Variants in INTS9 observed in about 807,000 individuals in gnomAD.
The protein encoded by INTS9 is integrator complex subunit 9, also known as protein related to CPSF subunits of 74 kDa.
Under a neutral mutation model 79.7 loss-of-function variants are expected in INTS9, and 55 were observed. That is an observed-to-expected ratio of 0.69 (90% CI 0.56 to 0.86). INTS9 has a LOEUF of 0.86. INTS9 is among the 40% of genes least tolerant of loss of function. INTS9 has a pLI of 0.00. For synonymous variants in INTS9, 319 were observed against 325.2 expected (o/e 0.98, Z 0.20); for missense variants, 721 against 831.5 (o/e 0.87, Z 1.64).
chr8:28,862,267 C>A, intron 1 of INTS9: 1 of 954,018 alleles, frequency 1.0e-6, no homozygotes, highest in Non-Finnish European at 1.2e-6. Context: ...ACAATCACAC[C>A]AATCTGATTA....
rs1456133477 is a variant in INTS9 at position 28,881,029 on chromosome 8, C to T, written c.9+8845G>A. Among the ~76,000 whole-genome samples, 457 of 151,182 alleles carry T rather than the reference C, an allele frequency of 3.0e-3. 2 individuals carry two copies. The highest frequency in any genetic ancestry group is 0.01 in the African/African-American group (426 of 41,192). Reference sequence around the variant, plus strand: ...GAAACCCTCTGCCTGGCAACCGCCCCGTCTGAGAAGTGAGGAGCCCCTCCG... The same window carrying T: ...GAAACCCTCTGCCTGGCAACCGCCCTGTCTGAGAAGTGAGGAGCCCCTCCG... On this transcript the variant is annotated intron_variant, in intron 1 of 16. Coordinates refer to ENST00000521022, the MANE Select transcript of INTS9 (RefSeq NM_018250.4).
chr8:28,884,298 C>T (rs1810064272), intron 1 of INTS9, among the ~76,000 whole-genome samples: 1 of 149,464 alleles, frequency 6.7e-6, no homozygotes, highest in Non-Finnish European at 1.5e-5. Context: ...AACCTCTCAC[C>T]TCAGCCTACT....
At chr8:28,813,375 TG>T in intron 7 of INTS9, 116 bp downstream of exon 7, 1 of 1,012,658 alleles carries the variant, frequency 9.9e-7, no homozygotes, top group Non-Finnish European at 1.5e-6. Context: ...ACAGAGGCTC[TG>T]GATCCTCAGC....
chr8:28,834,527 C>T (rs1263597722), intron 6 of INTS9, among the ~76,000 whole-genome samples: 2 of 152,304 alleles, frequency 1.3e-5, no homozygotes, highest in East Asian at 3.9e-4. Flanking sequence ...CATGCCTGGA[C>T]TTCTCTTCTC....
At chr8:28,817,248 G>A (rs1213697350) in intron 6 of INTS9, among the ~76,000 whole-genome samples, 1 of 151,702 alleles carries the variant, frequency 6.6e-6, no homozygotes, top group African/African-American at 2.4e-5. Flanking sequence ...GTCCTGAATG[G>A]TAATGCCTAG....
rs114797559 is a variant in INTS9, at chr8:28,770,659, G to A, written c.1662+323C>T. 4.9e-3 allele frequency among the ~76,000 whole-genome samples: 750 copies of A among 152,312 alleles called. 8 individuals carry two copies. Among genetic ancestry groups the A allele is most frequent in the African/African-American group, 0.017 (726 of 41,574 alleles). ...CCACCTGTGTGTGGGTCATTGGTAG[G>A]ACCAGGCTCTCAGGTAGCCACAGCC... On this transcript the variant is annotated intron_variant, in intron 15 of 16. Coordinates refer to ENST00000521022, the MANE Select transcript of INTS9 (RefSeq NM_018250.4).
At chr8:28,847,965 T>G (rs1807621518) in intron 3 of INTS9, among the ~76,000 whole-genome samples, 1 of 152,124 alleles carries the variant, frequency 6.6e-6, no homozygotes, top group Admixed American at 6.5e-5. Context: ...AGGAAAAAAC[T>G]CTCAGGCAAA....
chr8:28,859,374 T>C, intron 2 of INTS9, 62 bp downstream of exon 2: 1 of 1,585,464 alleles, frequency 6.3e-7, no homozygotes, highest in East Asian at 2.2e-5. Context: ...ACCTTCATAC[T>C]AATGGTACCA....
At chr8:28,835,437 A>G in intron 5 of INTS9, 59 bp from the exon 6 acceptor site, 1 of 1,230,084 alleles carries the variant, frequency 8.1e-7, no homozygotes, top group Non-Finnish European at 1.2e-6. Flanking sequence ...AACACCCCAT[A>G]CTCTAACAGT....
chr8:28,889,154 G>A (rs1244583078), intron 1 of INTS9, among the ~76,000 whole-genome samples: 1 of 152,156 alleles, frequency 6.6e-6, no homozygotes, highest in East Asian at 1.9e-4. Flanking sequence ...TTAGACTTGT[G>A]TGCACAATGA....
rs562925337 is a variant in INTS9, at chr8:28,878,670, T to C, written c.9+11204A>G. Among the ~76,000 whole-genome samples the C allele has an allele frequency of 8.0e-5, 12 of 149,608 alleles. No homozygotes were observed. In the East Asian group the frequency reaches 1.8e-3, roughly 22 times the overall value. On this transcript the variant is annotated intron_variant, in intron 1 of 16. Transcript: ENST00000521022. ...AAAAAAACAAAACAAAAAACTCTTGTATAGTTTACTTAAAAAAAAATGTTG... is the reference window on the plus strand; with the variant it reads ...AAAAAAACAAAACAAAAAACTCTTGCATAGTTTACTTAAAAAAAAATGTTG...
At chr8:28,845,398 T>G (rs1807449650) in intron 4 of INTS9, among the ~76,000 whole-genome samples, 3 of 152,252 alleles carry the variant, frequency 2.0e-5, no homozygotes, top group Non-Finnish European at 4.4e-5. Context: ...ATTACTAATT[T>G]GTGCCCTAAC....
At chr8:28,868,162 G>A (rs1234054179) in intron 1 of INTS9, among the ~76,000 whole-genome samples, 1 of 152,178 alleles carries the variant, frequency 6.6e-6, no homozygotes, top group African/African-American at 2.4e-5. Context: ...ATGCAGATGA[G>A]TTTATAATCT....
chr8:28,773,554 CTT>C (rs530215220), intron 14 of INTS9, among the ~76,000 whole-genome samples: 2 of 142,332 alleles, frequency 1.4e-5, no homozygotes, highest in South Asian at 2.3e-4. Flanking sequence ...TTTGAAATAT[CTT>C]TTTTTTTTTT....
At position 28,767,995 on chromosome 8, in the gene INTS9, C is replaced by T. The variant is rs1802306724; in HGVS notation, c.*151G>A. The stretch of plus-strand genomic sequence containing the variant: ...AAACAGTGCTGGGAATAAGTCCAGA[C>T]CATTTCCCTCAAGAGCCACCTCTTC... On this transcript the variant is annotated 3_prime_UTR_variant, in exon 17 of 17. Coordinates refer to ENST00000521022, the MANE Select transcript of INTS9 (RefSeq NM_018250.4). The T allele has an allele frequency of 1.4e-6, 1 of 720,752 alleles. No individual in the cohort carries two copies. Among genetic ancestry groups the T allele is most frequent in the African/African-American group, 1.8e-5 (1 of 57,046 alleles). 44.6% of individuals were successfully genotyped at this position (720,752 alleles called of 1,614,324 possible). A position where few individuals can be genotyped will look rare whatever the true frequency, so the allele number is the denominator to read the frequency against.
chr8:28,889,657 A>G (rs1273368037), intron 1 of INTS9, among the ~76,000 whole-genome samples: 1 of 152,186 alleles, frequency 6.6e-6, no homozygotes, highest in Non-Finnish European at 1.5e-5. Flanking sequence ...AAGACCCACT[A>G]ACGAGTGAAA....
intron 7 of INTS9, 62 bp downstream of exon 7, chr8:28,813,430 A>G: frequency 6.5e-7 from 1 of 1,532,572 alleles, no homozygotes; most frequent in Non-Finnish European, 9.0e-7. Flanking sequence ...TCTTCCAAAC[A>G]ACAAACAACA....
intron 6 of INTS9, among the ~76,000 whole-genome samples, chr8:28,828,593 C>T (rs1443900775): frequency 1.3e-5 from 2 of 152,216 alleles, no homozygotes; most frequent in Non-Finnish European, 2.9e-5. Flanking sequence ...TCCGAGCACA[C>T]ACTTCTATCT....
chr8:28,841,038 C>T (rs1418893440), intron 4 of INTS9, among the ~76,000 whole-genome samples: 1 of 151,448 alleles, frequency 6.6e-6, no homozygotes, highest in Non-Finnish European at 1.5e-5. Context: ...TGGGTATTTT[C>T]CAGCTGAGTA....
Sources: gnomAD v4.1 joint callset for allele counts (sites outside exome capture counted in the v4.1 genomes callset) on GRCh38, gnomAD v4.1.1 for gene constraint, MANE v1.5 for transcripts, NCBI Gene and HGNC (gene_info 2026-07-23, HGNC 2026-07-21) for gene names.